Variants in FAH observed in about 807,000 individuals in gnomAD.
The protein encoded by FAH is fumarylacetoacetate hydrolase.
Under a neutral mutation model 55.8 loss-of-function variants are expected in FAH, and 47 were observed. The observed-to-expected ratio is 0.84, with a 90% CI of 0.67 to 1.07. The LOEUF (loss-of-function observed/expected upper bound fraction) is 1.07. Ranked by LOEUF, FAH falls within the 50% of genes least tolerant of loss-of-function variation. The pLI is 0.00. For missense variants in FAH, 495 were observed against 545.9 expected, an observed-to-expected ratio of 0.91 and a Z score of 0.93; for synonymous variants, 199 against 207.7, an observed-to-expected ratio of 0.96 and a Z score of 0.36.
At chr15:80,158,419 C>T (rs992272639) in intron 2 of FAH, among the ~76,000 whole-genome samples, 1 of 152,118 alleles carries the variant, frequency 6.6e-6, no homozygotes, top group Non-Finnish European at 1.5e-5. Flanking sequence ...GTCTGCAGTC[C>T]TGGGTCGTTC....
intron 11 of FAH, 33 bp downstream of exon 11, chr15:80,177,616 G>T: frequency 6.3e-7 from 1 of 1,592,174 alleles, no homozygotes; most frequent in Non-Finnish European, 8.6e-7. Flanking sequence ...CTGCTTTTTA[G>T]AATTGAGGGA....
Position 80,171,673 on chromosome 15 carries a change from G to T in FAH, c.607-476G>T, listed in dbSNP as rs530245181. On this transcript the variant is annotated intron_variant, in intron 7 of 13. Coordinates refer to ENST00000561421, the MANE Select transcript of FAH (RefSeq NM_000137.4). ...GGTGGGGTCTCACTATGTTGCTCAG[G>T]CTTGTCTCAAACTCCGAGGCTCAAG... Among the ~76,000 whole-genome samples the T allele has an allele frequency of 3.9e-5, 6 of 152,232 alleles. No homozygotes were observed. In the South Asian group the frequency reaches 1.2e-3, roughly 32 times the overall value.
Position 80,181,873 on chromosome 15 carries a change from G to C in FAH, c.1180+714G>C, listed in dbSNP as rs541290492. On this transcript the variant is annotated intron_variant, in intron 13 of 13. Coordinates refer to ENST00000561421, the MANE Select transcript of FAH (RefSeq NM_000137.4). The stretch of plus-strand genomic sequence containing the variant: ...CGATTCTCCTGTGCCTTAGCCTCCC[G>C]AGTAGCTGGGATTACAGGCGCGCTA... Among the ~76,000 whole-genome samples, 6 of 152,254 alleles carry C rather than the reference G, an allele frequency of 3.9e-5. No individual in the cohort carries two copies. The South Asian group carries it at 1.2e-3, about 32-fold the overall frequency.
chr15:80,159,642 G>C, intron 2 of FAH, 114 bp from the exon 3 acceptor site: 1 of 1,218,810 alleles, frequency 8.2e-7, no homozygotes, highest in Non-Finnish European at 1.2e-6. Context: ...GAGAGTTTGA[G>C]TTAGCGGGAG....
chr15:80,173,176 C>G (rs749865213), intron 9 of FAH, 32 bp downstream of exon 9: 9 of 1,614,130 alleles, frequency 5.6e-6, no homozygotes, highest in Non-Finnish European at 7.6e-6. Flanking sequence ...AGCTCCCAAA[C>G]CCAGCCCTGC....
chr15:80,182,650 T>C (rs1192976835), intron 13 of FAH, among the ~76,000 whole-genome samples: 14 of 152,216 alleles, frequency 9.2e-5, no homozygotes. Flanking sequence ...AGCCCTTTGA[T>C]GATATAATAT....
chr15:80,170,940 G>A (rs2041235313), intron 7 of FAH, among the ~76,000 whole-genome samples: 1 of 152,094 alleles, frequency 6.6e-6, no homozygotes, highest in Admixed American at 6.5e-5. Flanking sequence ...TCACGTTGGT[G>A]CTGTTTTTCT....
In FAH at chr15:80,171,168, T is replaced by C. The variant is rs567570531; in HGVS notation, c.607-981T>C. Among the ~76,000 whole-genome samples, 3 of 152,282 alleles carry C rather than the reference T, an allele frequency of 2.0e-5. No individual in the cohort carries two copies. The East Asian group carries it at 5.8e-4, about 29-fold the overall frequency. On this transcript the variant is annotated intron_variant, in intron 7 of 13. Transcript: ENST00000561421. ...TGCAGGTTTGTTACATATGTATACA[T>C]GTGCCATGTTGGCGTGCTGCACCCA...
At chr15:80,183,379 G>C (rs1208772858) in intron 13 of FAH, among the ~76,000 whole-genome samples, 1 of 152,242 alleles carries the variant, frequency 6.6e-6, no homozygotes, top group South Asian at 2.1e-4. Context: ...CTAGAATTTG[G>C]GCTAAGCAGG....
chr15:80,160,594 G>A, intron 4 of FAH, 135 bp downstream of exon 4: 1 of 812,908 alleles, frequency 1.2e-6, no homozygotes, highest in Non-Finnish European at 2.1e-6. Flanking sequence ...CTCTGGGGCT[G>A]TTACCCGCTC....
chr15:80,159,337 T>G (rs753904329), intron 2 of FAH, among the ~76,000 whole-genome samples: 5 of 151,972 alleles, frequency 3.3e-5, no homozygotes, highest in Non-Finnish European at 7.4e-5. Context: ...CCTCCCAATG[T>G]GCTGGGATTA....
chr15:80,174,474 C>T (rs1289656011), intron 9 of FAH, among the ~76,000 whole-genome samples: 1 of 152,204 alleles, frequency 6.6e-6, no homozygotes, highest in African/African-American at 2.4e-5. Context: ...ATTAGTATCA[C>T]CAAAAACGAT....
intron 1 of FAH, chr15:80,156,000 G>A (rs2041095802): frequency 8.7e-6 from 4 of 460,952 alleles, no homozygotes; most frequent in Admixed American, 7.1e-5. Context: ...AGCACCACAG[G>A]GAGGGGTTTA....
At chr15:80,180,350 C>G (rs1878230547) in intron 12 of FAH, 125 bp downstream of exon 12, 3 of 735,350 alleles carry the variant, frequency 4.1e-6, no homozygotes, top group Non-Finnish European at 7.1e-6. Flanking sequence ...TCTCACAACT[C>G]TGTCTTCCTC....
chr15:80,160,302 G>A, intron 3 of FAH, 108 bp from the exon 4 acceptor site: 5 of 1,121,248 alleles, frequency 4.5e-6, no homozygotes, highest in African/African-American at 3.1e-5. Context: ...GCCAGAAGGT[G>A]CCCACTGGAG....
chr15:80,173,164 G>C lies in FAH; in HGVS notation c.837+20G>C. On this transcript the variant is annotated intron_variant, in intron 9 of 13. Transcript: ENST00000561421. ...AAGCAGGTAAGCACATTCTCTGCAG[G>C]AAGCTCCCAAACCCAGCCCTGCTGC... The C allele has an allele frequency of 1.2e-6, 2 of 1,614,184 alleles. No homozygotes were observed. Among genetic ancestry groups the C allele is most frequent in the Non-Finnish European group, 8.5e-7 (1 of 1,180,034 alleles).
At position 80,184,159 on chromosome 15, in the gene FAH, C is replaced by T. The variant is rs140990486; in HGVS notation, c.1181-1971C>T. Among the ~76,000 whole-genome samples, 74 of 152,356 alleles carry T rather than the reference C, an allele frequency of 4.9e-4. No individual in the cohort carries two copies. In the East Asian group the frequency reaches 0.011, roughly 22 times the overall value. Reference sequence around the variant, plus strand: ...AAGGATGTGTTCTCGCAGGCATTTGCACGGATGGCTCTGCACTGCTGGACA... The same window carrying T: ...AAGGATGTGTTCTCGCAGGCATTTGTACGGATGGCTCTGCACTGCTGGACA... On this transcript the variant is annotated intron_variant, in intron 13 of 13. Transcript: ENST00000561421.
At chr15:80,152,980 GA>G, upstream of FAH, 2 of 1,369,274 alleles carry the variant, frequency 1.5e-6, no homozygotes, top group South Asian at 2.3e-5. Context: ...GGCCGGGCCT[GA>G]CCACAGCGGC....
In FAH at chr15:80,186,190, C is replaced by T. The variant is rs772185773; in HGVS notation, c.1241C>T (p.Pro414Leu). ...GFGQCAGKVLPALLPS is the reference protein window; with the variant it reads ...GFGQCAGKVLLALLPS ...GGCCAGTGTGCTGGAAAAGTGCTGCCTGCTCTCCTGCCATCATGAGATTTT... is the reference window on the plus strand; with the variant it reads ...GGCCAGTGTGCTGGAAAAGTGCTGCTTGCTCTCCTGCCATCATGAGATTTT... Residue 414 changes from proline (P) to leucine (L), a missense_variant, in exon 14 of 14, where the codon CCT (proline) becomes CTT (leucine). Coordinates refer to ENST00000561421, the MANE Select transcript of FAH (RefSeq NM_000137.4). The T allele has an allele frequency of 1.9e-6, 3 of 1,614,010 alleles. No individual in the cohort carries two copies. The highest frequency in any genetic ancestry group is 2.5e-6 in the Non-Finnish European group (3 of 1,179,842).
Sources: gnomAD v4.1 joint callset for allele counts (sites outside exome capture counted in the v4.1 genomes callset) on GRCh38, gnomAD v4.1.1 for gene constraint, MANE v1.5 for transcripts, NCBI Gene and HGNC (gene_info 2026-07-23, HGNC 2026-07-21) for gene names.